The following ANGPT1 variants were observed in gnomAD, a reference collection of about 807,000 sequenced individuals.
ANGPT1 encodes angiopoietin 1.
A neutral mutation model predicts 62.2 loss-of-function variants in ANGPT1; 17 were observed. The observed-to-expected ratio is 0.27, with a 90% CI of 0.19 to 0.41. The LOEUF (loss-of-function observed/expected upper bound fraction) is 0.41. ANGPT1 is among the 10% of genes least tolerant of loss of function. The pLI is 1.00. For missense variants in ANGPT1, 478 were observed against 594.9 expected, an observed-to-expected ratio of 0.80 and a Z score of 2.04; for synonymous variants, 199 against 198.9, an observed-to-expected ratio of 1.00 and a Z score of 0.00.
At chr8:107,292,668 G>A (rs779520436) in intron 6 of ANGPT1, among the ~76,000 whole-genome samples, 8 of 152,026 alleles carry the variant, frequency 5.3e-5, no homozygotes, top group Non-Finnish European at 7.4e-5. Context: ...CTTTTTAAAC[G>A]TGCTTTCAGA....
chr8:107,350,606 T>G (rs11783679), intron 1 of ANGPT1, among the ~76,000 whole-genome samples: 1,677 of 152,282 alleles, frequency 0.011, 31 homozygotes, highest in South Asian at 0.026. Context: ...CTCTCAGTTC[T>G]GCTGACCCTG....
chr8:107,428,110 C>G (rs1811084709), intron 1 of ANGPT1, among the ~76,000 whole-genome samples: 1 of 152,202 alleles, frequency 6.6e-6, no homozygotes, highest in Non-Finnish European at 1.5e-5. Context: ...CCTTTCTCCA[C>G]TTATTACCAA....
In ANGPT1 at chr8:107,468,582, G is replaced by T. The variant is rs201570435; in HGVS notation, c.297+28680C>A. On this transcript the variant is annotated intron_variant, in intron 1 of 8. Coordinates refer to ENST00000517746, the MANE Select transcript of ANGPT1 (RefSeq NM_001146.5). ...TTAATAACAGAGCTTTTAACCACAA[G>T]GTTATAGAGTATAGTTACTTAAAAA... Among the ~76,000 whole-genome samples, 43 of 151,944 alleles carry T rather than the reference G, an allele frequency of 2.8e-4. No homozygotes were observed. In the East Asian group the frequency reaches 7.2e-3, roughly 25 times the overall value.
rs141108615 is a variant in ANGPT1 at position 107,328,681 on chromosome 8, A to T, written c.576-6553T>A. On this transcript the variant is annotated intron_variant, in intron 3 of 8. Transcript: ENST00000517746. ...TAAATAGGCTAGTATGTAGTCACAG[A>T]AAAAGAAATCTAGTCACAGAAGAAA... Among the ~76,000 whole-genome samples the T allele has an allele frequency of 2.9e-3, 439 of 152,152 alleles. 3 individuals carry two copies. The highest frequency in any genetic ancestry group is 9.1e-3 in the African/African-American group (377 of 41,584).
intron 1 of ANGPT1, among the ~76,000 whole-genome samples, chr8:107,492,261 A>C (rs531638551): frequency 1.3e-5 from 2 of 152,290 alleles, no homozygotes; most frequent in African/African-American, 4.8e-5. Context: ...ACTTTTCCCA[A>C]TCTCTAGGCA....
intron 4 of ANGPT1, among the ~76,000 whole-genome samples, chr8:107,312,643 T>A (rs1158380466): frequency 6.6e-6 from 1 of 152,204 alleles, no homozygotes; most frequent in Admixed American, 6.5e-5. Context: ...TGGCTCTACA[T>A]GGGCTTCTCC....
intron 7 of ANGPT1, among the ~76,000 whole-genome samples, chr8:107,279,734 CACACACACGTGT>C (rs1419985589): frequency 6.9e-6 from 1 of 145,824 alleles, no homozygotes; most frequent in Non-Finnish European, 1.5e-5. Context: ...CACACACATA[CACACACACGTGT>C]ACACACACAC....
intron 1 of ANGPT1, among the ~76,000 whole-genome samples, chr8:107,355,752 C>T (rs1049013263): frequency 1.3e-5 from 2 of 152,170 alleles, no homozygotes; most frequent in Non-Finnish European, 2.9e-5. Flanking sequence ...CATCAATCTT[C>T]TCTCTGTAAT....
intron 1 of ANGPT1, among the ~76,000 whole-genome samples, chr8:107,492,628 C>T (rs750508793): frequency 2.9e-5 from 4 of 136,810 alleles, no homozygotes; most frequent in Non-Finnish European, 6.4e-5. Context: ...TGAGCCACCA[C>T]GCCCGGCCAA....
Position 107,477,883 on chromosome 8 carries a change from A to G in ANGPT1, c.297+19379T>C, listed in dbSNP as rs1050515285. Among the ~76,000 whole-genome samples, 9 of 152,284 alleles carry G rather than the reference A, an allele frequency of 5.9e-5. No homozygotes were observed. In the East Asian group the frequency reaches 9.7e-4, roughly 16 times the overall value. On this transcript the variant is annotated intron_variant, in intron 1 of 8. Transcript: ENST00000517746. ...ATTCACCGTTTTGGGTGCTTTCAACATAAGTCTTTACATGAAAGTAAAGAC... is the reference window on the plus strand; with the variant it reads ...ATTCACCGTTTTGGGTGCTTTCAACGTAAGTCTTTACATGAAAGTAAAGAC...
chr8:107,337,823 G>C (rs1486319843), intron 2 of ANGPT1, among the ~76,000 whole-genome samples: 3 of 152,044 alleles, frequency 2.0e-5, no homozygotes, highest in Non-Finnish European at 4.4e-5. Flanking sequence ...GGCCAGGTGT[G>C]GTGGCTCACA....
intron 1 of ANGPT1, among the ~76,000 whole-genome samples, chr8:107,415,128 T>A (rs1810704144): frequency 6.6e-6 from 1 of 152,178 alleles, no homozygotes; most frequent in Non-Finnish European, 1.5e-5. Context: ...TAAAGATATC[T>A]TGTAAAAAGG....
At chr8:107,447,993 T>C (rs918149310) in intron 1 of ANGPT1, among the ~76,000 whole-genome samples, 2 of 152,248 alleles carry the variant, frequency 1.3e-5, no homozygotes, top group Non-Finnish European at 2.9e-5. Flanking sequence ...TTGAGTTATG[T>C]GGCTTACTTC....
intron 2 of ANGPT1, among the ~76,000 whole-genome samples, chr8:107,341,353 C>A (rs1815692109): frequency 6.6e-6 from 1 of 151,750 alleles, no homozygotes; most frequent in Admixed American, 6.6e-5. Flanking sequence ...AAATGATTGA[C>A]AAAACAGCCC....
intron 7 of ANGPT1, among the ~76,000 whole-genome samples, chr8:107,267,478 A>C (rs1179802717): frequency 2.0e-5 from 3 of 152,108 alleles, no homozygotes; most frequent in Non-Finnish European, 2.9e-5. Flanking sequence ...ATGTTAGGCT[A>C]TCAGTAAAGA....
intron 8 of ANGPT1, among the ~76,000 whole-genome samples, chr8:107,257,919 T>G (rs1279541574): frequency 9.5e-5 from 4 of 42,268 alleles, no homozygotes; most frequent in Non-Finnish European, 2.2e-4. Flanking sequence ...TTTTGACTGT[T>G]CTTTCTTTCT....
chr8:107,294,063 T>G (rs1325640994), intron 5 of ANGPT1, 26 bp from the exon 6 acceptor site: 1 of 1,548,116 alleles, frequency 6.5e-7, no homozygotes, highest in Non-Finnish European at 8.9e-7. Context: ...CAAAGTCAAG[T>G]AAAAAATACT....
intron 4 of ANGPT1, among the ~76,000 whole-genome samples, chr8:107,310,595 G>A (rs1814826317): frequency 6.6e-6 from 1 of 152,078 alleles, no homozygotes; most frequent in Admixed American, 6.5e-5. Context: ...TAAGAACAAA[G>A]AATATGTTGA....
intron 1 of ANGPT1, among the ~76,000 whole-genome samples, chr8:107,377,724 G>A (rs1816556696): frequency 6.6e-6 from 1 of 152,282 alleles, no homozygotes; most frequent in Non-Finnish European, 1.5e-5. Flanking sequence ...TACATCACAA[G>A]TAAGCAGTGT....
Sources: allele counts gnomAD v4.1 joint callset (sites outside exome capture counted in the v4.1 genomes callset), GRCh38; gene constraint gnomAD v4.1.1; transcripts MANE v1.5; gene names NCBI Gene and HGNC (gene_info 2026-07-23, HGNC 2026-07-21).